Variants in DACH1 observed in about 807,000 individuals in gnomAD.
The protein encoded by DACH1 is dachshund family transcription factor 1, also known as dachshund homolog 1.
A neutral mutation model predicts 54.2 loss-of-function variants in DACH1; 12 were observed. That is an observed-to-expected ratio of 0.22 (90% CI 0.14 to 0.36). The LOEUF is 0.36. DACH1 is among the 10% of genes least tolerant of loss of function. The pLI is 1.00. For missense variants in DACH1, 805 were observed against 929.8 expected (o/e 0.87, Z 1.75); for synonymous variants, 386 against 366.2 (o/e 1.05, Z -0.62).
At chr13:71,853,768 A>G (rs539878763) in intron 1 of DACH1, among the ~76,000 whole-genome samples, 1 of 152,360 alleles carries the variant, frequency 6.6e-6, no homozygotes, top group East Asian at 1.9e-4. Flanking sequence ...GCATGCAAAT[A>G]TTCAATATTC....
intron 3 of DACH1, among the ~76,000 whole-genome samples, chr13:71,604,859 G>A (rs1030091999): frequency 6.6e-6 from 1 of 151,856 alleles, no homozygotes; most frequent in Admixed American, 6.6e-5. Flanking sequence ...TTGCATATCA[G>A]TAATTTAATC....
intron 2 of DACH1, among the ~76,000 whole-genome samples, chr13:71,676,247 T>C (rs1201756413): frequency 1.3e-5 from 2 of 152,148 alleles, no homozygotes; most frequent in African/African-American, 4.8e-5. Context: ...AGATGGAGTG[T>C]TGTTCTCTTG....
chr13:71,819,986 A>T (rs1170936305), intron 1 of DACH1, among the ~76,000 whole-genome samples: 1 of 149,432 alleles, frequency 6.7e-6, no homozygotes, highest in African/African-American at 2.5e-5. Context: ...AAAGGACTGT[A>T]TTGGGTGCAG....
intron 1 of DACH1, among the ~76,000 whole-genome samples, chr13:71,737,120 G>A (rs1012905481): frequency 6.6e-6 from 1 of 152,070 alleles, no homozygotes; most frequent in African/African-American, 2.4e-5. Flanking sequence ...CTACTTGGGA[G>A]GCTGAGGCAG....
intron 1 of DACH1, among the ~76,000 whole-genome samples, chr13:71,797,038 C>T (rs1887085124): frequency 6.6e-6 from 1 of 151,590 alleles, no homozygotes; most frequent in African/African-American, 2.4e-5. Flanking sequence ...TTAACATAAT[C>T]CTCTCGTATG....
chr13:71,790,181 G>A (rs545792536), intron 1 of DACH1, among the ~76,000 whole-genome samples: 82 of 152,202 alleles, frequency 5.4e-4, no homozygotes, highest in Non-Finnish European at 1.0e-3. Flanking sequence ...AACAAACAGA[G>A]ATAAGGGACA....
chr13:71,768,281 T>A (rs1838932162), intron 1 of DACH1, among the ~76,000 whole-genome samples: 1 of 146,132 alleles, frequency 6.8e-6, no homozygotes, highest in Non-Finnish European at 1.5e-5. Context: ...CCATCCTCAC[T>A]TTTTGGAACA....
chr13:71,771,027 C>A (rs1885831199), intron 1 of DACH1, among the ~76,000 whole-genome samples: 2 of 151,384 alleles, frequency 1.3e-5, no homozygotes, highest in Admixed American at 6.6e-5. Flanking sequence ...AAAAATAAAC[C>A]TTGATTAAAT....
At chr13:71,844,394 ACAT>A (rs1873084539) in intron 1 of DACH1, among the ~76,000 whole-genome samples, 1 of 152,154 alleles carries the variant, frequency 6.6e-6, no homozygotes, top group Non-Finnish European at 1.5e-5. Context: ...GAAGCAAAAA[ACAT>A]CAGAAACATC....
At chr13:71,506,308 C>T (rs1014064402) in intron 6 of DACH1, among the ~76,000 whole-genome samples, 1 of 131,614 alleles carries the variant, frequency 7.6e-6, no homozygotes, top group African/African-American at 2.9e-5. Context: ...CACAACAGTC[C>T]CCAGAGTGTG....
chr13:71,736,357 C>T (rs1488003981), intron 1 of DACH1, among the ~76,000 whole-genome samples: 1 of 151,900 alleles, frequency 6.6e-6, no homozygotes, highest in Non-Finnish European at 1.5e-5. Flanking sequence ...CACTAAAGTA[C>T]TAAAGCATAA....
chr13:71,762,960 G>A (rs571053327), intron 1 of DACH1, among the ~76,000 whole-genome samples: 2 of 151,870 alleles, frequency 1.3e-5, no homozygotes, highest in South Asian at 4.2e-4. Flanking sequence ...CATATAAAAC[G>A]GCTTGCACCA....
intron 1 of DACH1, among the ~76,000 whole-genome samples, chr13:71,824,412 GC>G (rs1888304945): frequency 6.6e-6 from 1 of 151,880 alleles, no homozygotes; most frequent in African/African-American, 2.4e-5. Context: ...CTGAAAAAAT[GC>G]CCCATTAATT....
At chr13:71,522,895 T>C (rs1471894989) in intron 6 of DACH1, among the ~76,000 whole-genome samples, 1 of 152,142 alleles carries the variant, frequency 6.6e-6, no homozygotes, top group African/African-American at 2.4e-5. Context: ...TGTTAAACTT[T>C]GCTACAAAAC....
At position 71,635,187 on chromosome 13, in the gene DACH1, T is replaced by C. The variant is rs554445487; in HGVS notation, c.965-4470A>G. Among the ~76,000 whole-genome samples, 57 of 152,306 alleles carry C rather than the reference T, an allele frequency of 3.7e-4. 3 individuals carry two copies. In the South Asian group the frequency reaches 9.5e-3, roughly 26 times the overall value. On this transcript the variant is annotated intron_variant, in intron 2 of 10. Transcript: ENST00000613252. ...CAATGGAAAGTAATTTAAAACATTA[T>C]TGTTATGTTACATTAAGTGTGTATA...
chr13:71,716,043 T>C (rs1242365788), intron 1 of DACH1, among the ~76,000 whole-genome samples: 1 of 152,044 alleles, frequency 6.6e-6, no homozygotes, highest in East Asian at 1.9e-4. Context: ...AACCTGCACC[T>C]CATTACCTAT....
chr13:71,850,331 C>G (rs1873576751), intron 1 of DACH1, among the ~76,000 whole-genome samples: 1 of 152,136 alleles, frequency 6.6e-6, no homozygotes, highest in South Asian at 2.1e-4. Flanking sequence ...TACTCAACAC[C>G]TTCGGGCCCT....
At chr13:71,811,959 C>T (rs554349259) in intron 1 of DACH1, among the ~76,000 whole-genome samples, 1 of 152,234 alleles carries the variant, frequency 6.6e-6, no homozygotes, top group South Asian at 2.1e-4. Flanking sequence ...TTTTTATTCT[C>T]TAGTACTTTA....
chr13:71,483,109 C>A (rs893110821), intron 7 of DACH1, among the ~76,000 whole-genome samples: 2 of 151,838 alleles, frequency 1.3e-5, no homozygotes, highest in Non-Finnish European at 2.9e-5. Flanking sequence ...GCCCAACTGA[C>A]ACATTTTCAG....
Sources: allele counts gnomAD v4.1 joint callset (sites outside exome capture counted in the v4.1 genomes callset), GRCh38; gene constraint gnomAD v4.1.1; transcripts MANE v1.5; gene names NCBI Gene and HGNC (gene_info 2026-07-23, HGNC 2026-07-21).